The following IMPG2 variants were observed in gnomAD, a reference collection of about 807,000 sequenced individuals.
IMPG2 encodes the protein IPM 200.
In IMPG2, 91 loss-of-function variants were observed where a neutral mutation model predicts 129.2. The ratio of observed to expected loss-of-function variants is 0.70; its 90% CI spans 0.59 to 0.84. IMPG2 has a LOEUF of 0.84. Among genes scored for constraint, IMPG2 ranks in the 40% least tolerant of loss-of-function variants. The probability of loss-of-function intolerance (pLI) is 0.00; values close to 1 mark genes in which losing one functional copy is unlikely to be tolerated. For missense variants in IMPG2, 1,430 were observed against 1,461.7 expected, an observed-to-expected ratio of 0.98 and a Z score of 0.35; for synonymous variants, 510 against 517.7, an observed-to-expected ratio of 0.99 and a Z score of 0.20.
At chr3:101,284,409 G>A (rs1287719226) in intron 4 of IMPG2, among the ~76,000 whole-genome samples, 2 of 152,176 alleles carry the variant, frequency 1.3e-5, no homozygotes, top group Non-Finnish European at 1.5e-5. Flanking sequence ...CCAGTCCAGT[G>A]CTCTTCTTAG....
At chr3:101,260,185 T>C (rs1706655012) in intron 9 of IMPG2, among the ~76,000 whole-genome samples, 2 of 152,140 alleles carry the variant, frequency 1.3e-5, no homozygotes, top group African/African-American at 4.8e-5. Context: ...TGGATGTTCC[T>C]GTCTTACTCT....
chr3:101,235,218 C>T (rs762171938), intron 14 of IMPG2, among the ~76,000 whole-genome samples: 8 of 152,150 alleles, frequency 5.3e-5, no homozygotes, highest in East Asian at 1.9e-4. Flanking sequence ...TGTATCACTC[C>T]GAAGGAAAGT....
At chr3:101,296,814 T>C (rs907236839) in intron 3 of IMPG2, among the ~76,000 whole-genome samples, 8 of 152,016 alleles carry the variant, frequency 5.3e-5, no homozygotes, top group African/African-American at 1.9e-4. Flanking sequence ...CTTGGGAGGG[T>C]GTATGTGTCC....
In IMPG2 at chr3:101,244,258, T is replaced by G; in HGVS notation, c.2073A>C (p.Ala691=). 1 of 1,614,034 alleles carries G rather than the reference T, an allele frequency of 6.2e-7. No homozygotes were observed. The highest frequency in any genetic ancestry group is 8.5e-7 in the Non-Finnish European group (1 of 1,179,998). The part of the protein sequence containing the change: ...PLSGPAVPIF[A]DTAAESASLT... ...GAGACGCAGATTCAGCTGCAGTATC[T>G]GCGAAGATGGGCACAGCAGGCCCAC... Residue 691 remains alanine, a synonymous_variant, in exon 13 of 19, where the codon GCA becomes GCC. Transcript: ENST00000193391.
chr3:101,304,236 C>G lies in IMPG2; in HGVS notation c.411G>C (p.Trp137Cys). The G allele has an allele frequency of 6.2e-7, 1 of 1,613,934 alleles. No homozygotes were observed. Among genetic ancestry groups the G allele is most frequent in the Non-Finnish European group, 8.5e-7 (1 of 1,179,802 alleles). ...TGACTCCATCCTCACACAAATTCATCCAGTAATGATATTCCTCACGCCCAG... is the reference window on the plus strand; with the variant it reads ...TGACTCCATCCTCACACAAATTCATGCAGTAATGATATTCCTCACGCCCAG... Reference protein sequence around the residue: ...RLPGREEYHYWMNLCEDGVTS... With the variant: ...RLPGREEYHYCMNLCEDGVTS... The change falls in exon 3 of 19, where the codon TGG (tryptophan) becomes TGC (cysteine). Residue 137 changes from tryptophan to cysteine, a missense_variant. Transcript: ENST00000193391.
At chr3:101,229,306 A>ACCCC in intron 17 of IMPG2, 74 bp downstream of exon 17, 3 of 362,592 alleles carry the variant, frequency 8.3e-6, no homozygotes, top group East Asian at 6.5e-5. Context: ...ACACACCCCC[A>ACCCC]CCCACCACCC....
chr3:101,263,430 A>G (rs1706690970), intron 9 of IMPG2, among the ~76,000 whole-genome samples: 3 of 152,116 alleles, frequency 2.0e-5, no homozygotes, highest in Admixed American at 1.3e-4. Context: ...AATAAAGGAA[A>G]GTTAAACAAT....
At chr3:101,299,796 C>T (rs1707120565) in intron 3 of IMPG2, among the ~76,000 whole-genome samples, 1 of 152,150 alleles carries the variant, frequency 6.6e-6, no homozygotes, top group African/African-American at 2.4e-5. Flanking sequence ...TGATCTCTGA[C>T]CTCAAGGGGC....
At chr3:101,318,212 G>A (rs2058795066) in intron 2 of IMPG2, among the ~76,000 whole-genome samples, 1 of 149,400 alleles carries the variant, frequency 6.7e-6, no homozygotes, top group South Asian at 2.1e-4. Flanking sequence ...CCAGGTGGTA[G>A]AAATCGAATC....
At chr3:101,301,501 T>C (rs1707139095) in intron 3 of IMPG2, among the ~76,000 whole-genome samples, 1 of 152,204 alleles carries the variant, frequency 6.6e-6, no homozygotes, top group South Asian at 2.1e-4. Context: ...CAGACCCCTA[T>C]CCTTGGCTTC....
intron 2 of IMPG2, among the ~76,000 whole-genome samples, chr3:101,306,481 G>A (rs562696950): frequency 5.3e-5 from 8 of 152,266 alleles, no homozygotes; most frequent in African/African-American, 1.9e-4. Context: ...CACTGACTGA[G>A]GCAGAGCTGA....
intron 14 of IMPG2, 97 bp from the exon 15 acceptor site, chr3:101,233,088 G>T: frequency 9.5e-7 from 1 of 1,051,476 alleles, no homozygotes; most frequent in South Asian, 1.3e-5. Flanking sequence ...AAGTATATGG[G>T]ACAACTCCTT....
At chr3:101,285,942 C>T (rs1706941576) in intron 4 of IMPG2, among the ~76,000 whole-genome samples, 1 of 152,102 alleles carries the variant, frequency 6.6e-6, no homozygotes, top group Non-Finnish European at 1.5e-5. Flanking sequence ...CATTCACACA[C>T]ATATATGTAC....
intron 9 of IMPG2, among the ~76,000 whole-genome samples, chr3:101,265,154 C>T (rs1412554857): frequency 6.6e-6 from 1 of 151,954 alleles, no homozygotes; most frequent in Non-Finnish European, 1.5e-5. Flanking sequence ...CAATCCTTAT[C>T]AAAATACCAA....
intron 3 of IMPG2, among the ~76,000 whole-genome samples, chr3:101,303,632 C>T (rs537828758): frequency 1.2e-4 from 18 of 152,272 alleles, no homozygotes; most frequent in African/African-American, 4.3e-4. Flanking sequence ...TTTATTTATC[C>T]TTTGCTAAGA....
rs114102919 is a variant in IMPG2 at position 101,235,558 on chromosome 3, C to T, written c.3023-2567G>A. ...CCATAGGAAAAAGATAAAATATAGC[C>T]TTTTTGCTTCCAGGCCAAGGAGAAA... On this transcript the variant is annotated intron_variant, in intron 14 of 18. Coordinates refer to ENST00000193391, the MANE Select transcript of IMPG2 (RefSeq NM_016247.4). 6.2e-3 allele frequency among the ~76,000 whole-genome samples: 948 copies of T among 152,224 alleles called. 8 individuals carry two copies. Among genetic ancestry groups the T allele is most frequent in the African/African-American group, 0.022 (904 of 41,516 alleles).
At chr3:101,227,740 T>C in intron 18 of IMPG2, 1 of 452,508 alleles carries the variant, frequency 2.2e-6, no homozygotes, top group Non-Finnish European at 4.4e-6. Context: ...CCAAGTCAGA[T>C]GTTCAGAGAT....
chr3:101,267,812 T>C (rs549798014), intron 8 of IMPG2, among the ~76,000 whole-genome samples: 5 of 152,058 alleles, frequency 3.3e-5, no homozygotes, highest in East Asian at 1.9e-4. Context: ...TTTCAGTAAA[T>C]CAGCAGAGGA....
intron 3 of IMPG2, among the ~76,000 whole-genome samples, chr3:101,302,035 C>T (rs996195545): frequency 3.3e-5 from 5 of 152,092 alleles, no homozygotes; most frequent in African/African-American, 7.2e-5. Context: ...GTATATTGAC[C>T]GAGGTCATTC....
Sources: allele counts gnomAD v4.1 joint callset (sites outside exome capture counted in the v4.1 genomes callset), GRCh38; gene constraint gnomAD v4.1.1; transcripts MANE v1.5; gene names NCBI Gene and HGNC (gene_info 2026-07-23, HGNC 2026-07-21).